The following MIB1 variants were observed in gnomAD, a reference collection of about 807,000 sequenced individuals.
MIB1 encodes the protein E3 ubiquitin-protein ligase MIB1.
A neutral mutation model predicts 124.5 loss-of-function variants in MIB1; 278 were observed. The ratio of observed to expected loss-of-function variants is 2.23; its 90% CI spans 2.02 to 2.47. The LOEUF (loss-of-function observed/expected upper bound fraction) is 2.47, where lower values mean the gene tolerates loss of function less well. MIB1 is among the 30% of genes most tolerant of loss of function. MIB1 has a pLI of 0.00. For synonymous variants in MIB1, 446 were observed against 429.4 expected, an observed-to-expected ratio of 1.04 and a Z score of -0.48; for missense variants, 957 against 1,254.4, an observed-to-expected ratio of 0.76 and a Z score of 3.58.
At chr18:21,819,789 A>G in intron 12 of MIB1, 143 bp downstream of exon 12, 1 of 448,518 alleles carries the variant, frequency 2.2e-6, no homozygotes, top group African/African-American at 2.0e-5. Context: ...TTATGCCTTT[A>G]GTTTTATATG....
intron 17 of MIB1, among the ~76,000 whole-genome samples, chr18:21,852,456 T>TG (rs1374695319): frequency 6.6e-6 from 1 of 152,122 alleles, no homozygotes; most frequent in African/African-American, 2.4e-5. Flanking sequence ...CCAAGGGCTA[T>TG]GGGGTAGGGA....
intron 1 of MIB1, among the ~76,000 whole-genome samples, chr18:21,758,286 G>A (rs553452961): frequency 1.3e-5 from 2 of 152,250 alleles, no homozygotes; most frequent in African/African-American, 4.8e-5. Context: ...GGTCACAAAG[G>A]CCTTGCCCTC....
chr18:21,860,275 A>T (rs1027345923), intron 20 of MIB1, among the ~76,000 whole-genome samples: 2 of 150,754 alleles, frequency 1.3e-5, no homozygotes, highest in Non-Finnish European at 3.0e-5. Context: ...GAATTTTTAT[A>T]TTTTTAGTAG....
chr18:21,740,752 C>T (rs989469626), upstream of MIB1, among the ~76,000 whole-genome samples: 6 of 152,376 alleles, frequency 3.9e-5, no homozygotes, highest in Admixed American at 2.6e-4. Context: ...GGTTGGGCAA[C>T]CGTCCGCCCT....
chr18:21,762,900 A>G (rs2041113721), intron 1 of MIB1, among the ~76,000 whole-genome samples: 1 of 152,152 alleles, frequency 6.6e-6, no homozygotes, highest in Non-Finnish European at 1.5e-5. Flanking sequence ...TAAGTATTGC[A>G]AAATTTGTCT....
intron 1 of MIB1, among the ~76,000 whole-genome samples, chr18:21,742,097 T>TC (rs901836845): frequency 1.3e-5 from 2 of 151,826 alleles, no homozygotes; most frequent in African/African-American, 4.8e-5. Context: ...CAGACACAGG[T>TC]CCCCCAACCC....
chr18:21,719,918 A>G (rs2040707237), intron 1 of MIB1, among the ~76,000 whole-genome samples: 1 of 152,222 alleles, frequency 6.6e-6, no homozygotes, highest in Admixed American at 6.5e-5. Flanking sequence ...CTAACTAAAC[A>G]ATGGAAAAGC....
chr18:21,781,441 T>C (rs2041367153), intron 6 of MIB1, among the ~76,000 whole-genome samples: 1 of 141,848 alleles, frequency 7.0e-6, no homozygotes. Context: ...TTTTTTGAGA[T>C]GGGGTCTCCC....
At chr18:21,754,255 C>G (rs1417820302) in intron 1 of MIB1, among the ~76,000 whole-genome samples, 1 of 152,176 alleles carries the variant, frequency 6.6e-6, no homozygotes, top group African/African-American at 2.4e-5. Flanking sequence ...ACAGTAGTCC[C>G]CCTTTATCCA....
At position 21,721,159 on chromosome 18, in the gene MIB1, GT is replaced by G. The variant is rs34277676; in HGVS notation, n.167+16075del. On this transcript the variant is annotated intron_variant and non_coding_transcript_variant, in intron 1 of 20. Transcript: ENST00000578646. Reference sequence around the variant, plus strand: ...TGAAAGATTTAAACATTTTAAAGAAGTTTTTTTTTTTTTTTTTTTTTTTTTT... The same window carrying G: ...TGAAAGATTTAAACATTTTAAAGAAGTTTTTTTTTTTTTTTTTTTTTTTTT... 5.2e-3 allele frequency among the ~76,000 whole-genome samples: 154 copies of G among 29,754 alleles called. 1 individual carries two copies. Among genetic ancestry groups the G allele is most frequent in the Non-Finnish European group, 6.4e-3 (86 of 13,522 alleles). 19.5% of individuals were successfully genotyped at this position (29,754 alleles called of 152,430 possible). A position where few individuals can be genotyped will look rare whatever the true frequency, so the allele number is the denominator to read the frequency against.
chr18:21,721,159 G>GTTTGTT (rs2040712847), intron 1 of MIB1, among the ~76,000 whole-genome samples: 7 of 29,764 alleles, frequency 2.4e-4, no homozygotes, highest in South Asian at 1.8e-3. Flanking sequence ...TTTTAAAGAA[G>GTTTGTT]TTTTTTTTTT....
intron 1 of MIB1, among the ~76,000 whole-genome samples, chr18:21,761,057 G>A (rs1210580411): frequency 6.6e-6 from 1 of 152,092 alleles, no homozygotes; most frequent in African/African-American, 2.4e-5. Flanking sequence ...ATTAGAATCT[G>A]ATTTCAGGTG....
chr18:21,785,384 GAAAAAA>G (rs915666148), intron 6 of MIB1, among the ~76,000 whole-genome samples: 1 of 151,940 alleles, frequency 6.6e-6, no homozygotes, highest in African/African-American at 2.4e-5. Flanking sequence ...CGCCCACGAA[GAAAAAA>G]ACCCACAGGC....
chr18:21,848,592 CAG>C lies in MIB1; in HGVS notation c.2394-603_2394-602del, dbSNP rs1351763903. ...GAGTTTCTGAAGATTGTGGTAGAAA[CAG>C]GGCATCCCTTTTCTGTAGCTGTAGG... On this transcript the variant is annotated intron_variant, in intron 16 of 20. Transcript: ENST00000261537. 3.3e-5 allele frequency among the ~76,000 whole-genome samples: 5 copies of C among 152,272 alleles called. No individual in the cohort carries two copies. The South Asian group carries it at 1.0e-3, about 32-fold the overall frequency.
At chr18:21,853,245 A>G (rs760970866) in intron 18 of MIB1, 27 bp downstream of exon 18, 16 of 1,462,906 alleles carry the variant, frequency 1.1e-5, no homozygotes, top group South Asian at 7.3e-5. Context: ...GAGTTCCTCA[A>G]TATTATTATA....
intron 2 of MIB1, 32 bp downstream of exon 2, chr18:21,765,975 G>A (rs780299943): frequency 3.1e-6 from 5 of 1,606,678 alleles, no homozygotes; most frequent in Non-Finnish European, 4.3e-6. Flanking sequence ...TTCAACCGAG[G>A]GTTTTTGTTT....
chr18:21,718,037 A>C (rs114678177), intron 1 of MIB1, among the ~76,000 whole-genome samples: 3,023 of 152,340 alleles, frequency 0.02, 98 homozygotes, highest in African/African-American at 0.069. Flanking sequence ...TGGTATTTAT[A>C]TACAATGCAA....
chr18:21,709,017 CT>C, intron 1 of MIB1, among the ~76,000 whole-genome samples: 1 of 152,112 alleles, frequency 6.6e-6, no homozygotes. Flanking sequence ...GGAACAATGC[CT>C]TTAAAAGTCG....
At chr18:21,727,484 T>C (rs2040747666) in intron 1 of MIB1, among the ~76,000 whole-genome samples, 1 of 152,184 alleles carries the variant, frequency 6.6e-6, no homozygotes, top group Non-Finnish European at 1.5e-5. Flanking sequence ...GGCTTGCACC[T>C]GTAATCCCAA....
Sources: gnomAD v4.1 joint callset for allele counts (sites outside exome capture counted in the v4.1 genomes callset) on GRCh38, gnomAD v4.1.1 for gene constraint, MANE v1.5 for transcripts, NCBI Gene and HGNC (gene_info 2026-07-23, HGNC 2026-07-21) for gene names.